The following DPP10 variants were observed in gnomAD, a reference collection of about 807,000 sequenced individuals.
The protein encoded by DPP10 is dipeptidyl peptidase like 10.
A neutral mutation model predicts 120.9 loss-of-function variants in DPP10; 33 were observed. That is an observed-to-expected ratio of 0.27 (90% confidence interval 0.21 to 0.37). The LOEUF (loss-of-function observed/expected upper bound fraction) is 0.37. Ranked by LOEUF, DPP10 falls within the 10% of genes least tolerant of loss-of-function variation. DPP10 has a pLI of 1.00. For synonymous variants in DPP10, 337 were observed against 326.1 expected (o/e 1.03, Z -0.36); for missense variants, 816 against 942.8 (o/e 0.87, Z 1.76).
At chr2:114,662,574 T>C (rs1697509975) in intron 1 of DPP10, among the ~76,000 whole-genome samples, 1 of 152,000 alleles carries the variant, frequency 6.6e-6, no homozygotes, top group African/African-American at 2.4e-5. Flanking sequence ...CACTTCCGGT[T>C]CTCAGAGGGC....
At chr2:114,522,949 C>T (rs1043769584) in intron 1 of DPP10, among the ~76,000 whole-genome samples, 14 of 152,192 alleles carry the variant, frequency 9.2e-5, no homozygotes, top group East Asian at 1.9e-4. Flanking sequence ...AATTACCTCC[C>T]GCTGAGTTCC....
intron 19 of DPP10, among the ~76,000 whole-genome samples, chr2:115,793,414 T>C (rs1449341209): frequency 6.6e-6 from 1 of 152,178 alleles, no homozygotes; most frequent in African/African-American, 2.4e-5. Flanking sequence ...AGCAGAATTA[T>C]AATTATTATT....
intron 5 of DPP10, among the ~76,000 whole-genome samples, chr2:115,559,036 T>A (rs1203464171): frequency 6.6e-6 from 1 of 152,230 alleles, no homozygotes; most frequent in Admixed American, 6.5e-5. Flanking sequence ...ATAAATATCT[T>A]GGGAGCTAAA....
chr2:115,551,561 T>C (rs1550987), intron 5 of DPP10, among the ~76,000 whole-genome samples: 147,427 of 152,186 alleles, frequency 0.97, 71,581 homozygotes, highest in East Asian at 1. Flanking sequence ...AATTTCAAGA[T>C]GCTCATGTTG....
chr2:115,404,975 A>G (rs2068400820), intron 3 of DPP10, among the ~76,000 whole-genome samples: 1 of 152,166 alleles, frequency 6.6e-6, no homozygotes, highest in African/African-American at 2.4e-5. Flanking sequence ...AATAAACCAC[A>G]TTCAAATCAC....
At chr2:115,242,672 ATTT>A (rs539909325) in intron 1 of DPP10, among the ~76,000 whole-genome samples, 1 of 124,178 alleles carries the variant, frequency 8.1e-6, no homozygotes. Context: ...GCCAACATCT[ATTT>A]TTTTTTTTTT....
rs149295349 is a variant in DPP10, at chr2:115,640,892, A to T, written c.442-48795A>T. 3.5e-3 allele frequency among the ~76,000 whole-genome samples: 533 copies of T among 152,308 alleles called. 4 individuals carry two copies. Among genetic ancestry groups the T allele is most frequent in the African/African-American group, 0.013 (524 of 41,570 alleles). Reference sequence around the variant, plus strand: ...ATTAATTTATAAAGTACAAAGTTTCAATTTCACAGTGTTTATTTTGTTTTT... The same window carrying T: ...ATTAATTTATAAAGTACAAAGTTTCTATTTCACAGTGTTTATTTTGTTTTT... On this transcript the variant is annotated intron_variant, in intron 5 of 25. Coordinates refer to ENST00000410059, the MANE Select transcript of DPP10 (RefSeq NM_020868.6).
chr2:115,301,726 A>T (rs956204704), intron 1 of DPP10, among the ~76,000 whole-genome samples: 1 of 151,824 alleles, frequency 6.6e-6, no homozygotes, highest in African/African-American at 2.4e-5. Flanking sequence ...CTGATATCAA[A>T]TCTGTTTGTT....
At chr2:115,162,685 G>A (rs2052513311) in intron 1 of DPP10, among the ~76,000 whole-genome samples, 1 of 152,106 alleles carries the variant, frequency 6.6e-6, no homozygotes, top group African/African-American at 2.4e-5. Context: ...GTTTGGATGT[G>A]TCGCGTCTGC....
intron 1 of DPP10, among the ~76,000 whole-genome samples, chr2:114,499,962 C>T (rs746692721): frequency 1.3e-4 from 20 of 152,196 alleles, no homozygotes; most frequent in Non-Finnish European, 2.4e-4. Context: ...CTAACTTTCA[C>T]TCAGAACTTA....
chr2:115,373,036 G>A (rs1053903084), intron 3 of DPP10, among the ~76,000 whole-genome samples: 6 of 152,198 alleles, frequency 3.9e-5, no homozygotes, highest in African/African-American at 1.2e-4. Flanking sequence ...TAGAGCTACG[G>A]TAAGAATAGT....
chr2:115,734,372 G>C (rs948845343), intron 8 of DPP10, among the ~76,000 whole-genome samples: 1 of 151,968 alleles, frequency 6.6e-6, no homozygotes, highest in Admixed American at 6.6e-5. Context: ...AGAGTTTACG[G>C]TGGGGCCGGG....
At chr2:115,710,390 G>T (rs1417866266) in intron 7 of DPP10, among the ~76,000 whole-genome samples, 2 of 152,018 alleles carry the variant, frequency 1.3e-5, no homozygotes, top group African/African-American at 2.4e-5. Context: ...GAGGGAGAAA[G>T]AAAATTATAC....
intron 1 of DPP10, among the ~76,000 whole-genome samples, chr2:114,942,353 A>G (rs1235627690): frequency 2.4e-4 from 17 of 71,344 alleles, no homozygotes; most frequent in Non-Finnish European, 3.7e-4. Flanking sequence ...ATATATACAT[A>G]TATATATACA....
chr2:114,606,224 GA>G (rs1474161168), intron 1 of DPP10, among the ~76,000 whole-genome samples: 1 of 152,108 alleles, frequency 6.6e-6, no homozygotes, highest in Non-Finnish European at 1.5e-5. Context: ...AATGAAACAG[GA>G]TATACTTGAA....
intron 1 of DPP10, among the ~76,000 whole-genome samples, chr2:115,226,391 G>A (rs775765718): frequency 6.6e-5 from 10 of 152,144 alleles, no homozygotes; most frequent in Admixed American, 1.3e-4. Flanking sequence ...AAAAAGAAGC[G>A]ATAAGATCTG....
In DPP10 at chr2:114,532,272, TATATATATATATATATATATATATAC is replaced by T. The variant is rs1261394600; in HGVS notation, c.60+89436_60+89461del. Among the ~76,000 whole-genome samples, 95 of 80,400 alleles carry T rather than the reference TATATATATATATATATATATATATAC, an allele frequency of 1.2e-3. No homozygotes were observed. The Middle Eastern group carries it at 0.019, about 16-fold the overall frequency. 52.7% of individuals were successfully genotyped at this position (80,400 alleles called of 152,430 possible). A position where few individuals can be genotyped will look rare whatever the true frequency, so the allele number is the denominator to read the frequency against. ...ATAAATCTCCATATATATATATATA[TATATATATATATATATATATATATAC>T]ACACACACACACACACACAGATACA... On this transcript the variant is annotated intron_variant, in intron 1 of 25. Transcript: ENST00000410059.
At chr2:114,800,518 A>G (rs1206408679) in intron 1 of DPP10, among the ~76,000 whole-genome samples, 1 of 152,230 alleles carries the variant, frequency 6.6e-6, no homozygotes, top group African/African-American at 2.4e-5. Flanking sequence ...AGCACAAAAG[A>G]GTCTTACAAG....
intron 1 of DPP10, among the ~76,000 whole-genome samples, chr2:115,308,919 C>T (rs192281218): frequency 4.6e-5 from 7 of 152,086 alleles, no homozygotes; most frequent in South Asian, 2.1e-4. Context: ...TAAATGGACT[C>T]GCTCTATTTC....
Sources: allele counts gnomAD v4.1 joint callset (sites outside exome capture counted in the v4.1 genomes callset), GRCh38; gene constraint gnomAD v4.1.1; transcripts MANE v1.5; gene names NCBI Gene and HGNC (gene_info 2026-07-23, HGNC 2026-07-21).